The following ZNF121 variants were observed in gnomAD, a reference collection of about 807,000 sequenced individuals.
ZNF121 encodes zinc finger protein 121, also known as zinc finger protein 121 (clone ZHC32).
A neutral mutation model predicts 2.4 loss-of-function variants in ZNF121; 1 was observed. The ratio of observed to expected loss-of-function variants is 0.41; its 90% confidence interval spans 0.15 to 1.94. The LOEUF is 1.94. Ranked by LOEUF, ZNF121 falls within the 30% of genes most tolerant of loss-of-function variation. The pLI is 0.30. For missense variants in ZNF121, 369 were observed against 466.3 expected (o/e 0.79, Z 1.92); for synonymous variants, 173 against 158.6 (o/e 1.09, Z -0.68).
Position 9,563,166 on chromosome 19 carries a change from A to G in ZNF121, c.*2774T>C, listed in dbSNP as rs978160403. On this transcript the variant is annotated 3_prime_UTR_variant, in exon 4 of 4. Transcript: ENST00000320451. ...GGAAACTAAAAGTGCTACTCCAGTG[A>G]ACACACACATAATAAGAAAGGAAAA... 5.9e-5 allele frequency: 9 copies of G among 152,160 alleles called. No homozygotes were observed. Among genetic ancestry groups the G allele is most frequent in the African/African-American group, 1.9e-4 (8 of 41,438 alleles). 9.4% of individuals were successfully genotyped at this position (152,160 alleles called of 1,614,324 possible).
intron 1 of ZNF121, among the ~76,000 whole-genome samples, chr19:9,580,717 C>G (rs2074242944): frequency 6.6e-6 from 1 of 152,114 alleles, no homozygotes; most frequent in African/African-American, 2.4e-5. Flanking sequence ...TCCAGCAGAC[C>G]CAATGATACT....
At chr19:9,581,755 A>C (rs1015340131) in intron 1 of ZNF121, among the ~76,000 whole-genome samples, 7 of 152,222 alleles carry the variant, frequency 4.6e-5, no homozygotes, top group Non-Finnish European at 8.8e-5. Flanking sequence ...TAAACCCAAA[A>C]ACATCCAAGA....
chr19:9,578,292 G>T (rs1024377643), intron 1 of ZNF121, among the ~76,000 whole-genome samples: 3 of 152,108 alleles, frequency 2.0e-5, no homozygotes, highest in African/African-American at 7.2e-5. Flanking sequence ...TACTAGGGAG[G>T]CTGAGGCAGG....
Position 9,569,081 on chromosome 19 carries a change from TC to T in ZNF121, c.-159del, listed in dbSNP as rs2074155105. 6.5e-6 allele frequency: 1 copy of T among 153,098 alleles called. No individual in the cohort carries two copies. The highest frequency in any genetic ancestry group is 2.4e-5 in the African/African-American group (1 of 41,402). The allele number at this position is 153,098 out of a possible 1,614,324, so 9.5% of individuals were successfully genotyped here. ...AAGAGACAGACTGAGTTTGAATAGG[TC>T]CTGTACAGAGGGAAAGATACATCAA... On this transcript the variant is annotated splice_region_variant and 5_prime_UTR_variant, in exon 2 of 4. Transcript: ENST00000320451.
rs762093953 is a variant in ZNF121 at position 9,562,161 on chromosome 19, A to AC, written c.*3778_*3779insG. On this transcript the variant is annotated 3_prime_UTR_variant, in exon 4 of 4. Transcript: ENST00000320451. The stretch of plus-strand genomic sequence containing the variant: ...ATTATACTTACTGTGGTGCTGTGTG[A>AC]TTTTTTTTTTTTTTTTTTTTTGAGA... The AC allele has an allele frequency of 1.9e-5, 2 of 108,078 alleles. No homozygotes were observed. Among genetic ancestry groups the AC allele is most frequent in the Admixed American group, 2.2e-4 (2 of 9,258 alleles). The allele number at this position is 108,078 out of a possible 1,614,324, so 6.7% of individuals were successfully genotyped here.
chr19:9,577,195 G>A (rs1375779972), intron 1 of ZNF121, among the ~76,000 whole-genome samples: 2 of 152,174 alleles, frequency 1.3e-5, no homozygotes, highest in Non-Finnish European at 2.9e-5. Flanking sequence ...CGTAATTCCA[G>A]CACTTTGGGA....
At chr19:9,580,153 G>A (rs891966151) in intron 1 of ZNF121, among the ~76,000 whole-genome samples, 2 of 151,964 alleles carry the variant, frequency 1.3e-5, no homozygotes, top group African/African-American at 2.4e-5. Flanking sequence ...TTAGCCGGGC[G>A]TGTTGGCGGG....
At chr19:9,573,287 T>C (rs1164302507) in intron 1 of ZNF121, among the ~76,000 whole-genome samples, 1 of 152,008 alleles carries the variant, frequency 6.6e-6, no homozygotes, top group Non-Finnish European at 1.5e-5. Flanking sequence ...GAAGAGCAAC[T>C]CAGAAATGTA....
At chr19:9,568,325 T>C (rs2074149000) in intron 2 of ZNF121, 150 bp from the exon 3 acceptor site, 1 of 414,678 alleles carries the variant, frequency 2.4e-6, no homozygotes, top group Admixed American at 3.7e-5. Context: ...AGTTTATCCA[T>C]GACGAACATT....
In ZNF121 at chr19:9,566,861, T is replaced by C; in HGVS notation, c.252A>G (p.Gly84=). 6.2e-7 allele frequency: 1 copy of C among 1,614,220 alleles called. No homozygotes were observed. The highest frequency in any genetic ancestry group is 8.5e-7 in the Non-Finnish European group (1 of 1,180,040). ...PPNVHQRTWI[G]DKSFEYSDCE... ...AGTCACTGTATTCAAAGGATTTGTC[T>C]CCTATCCACGTTCTCTGGTGAACAT... Residue 84 remains glycine, a synonymous_variant, in exon 4 of 4, where the codon GGA becomes GGG. Coordinates refer to ENST00000320451, the MANE Select transcript of ZNF121 (RefSeq NM_001008727.5).
rs1198893851 is a variant in ZNF121, at chr19:9,564,421, C to T, written c.*1519G>A. On this transcript the variant is annotated 3_prime_UTR_variant, in exon 4 of 4. Transcript: ENST00000320451. The stretch of plus-strand genomic sequence containing the variant: ...TTAAAAAAATAAAAACCAACATTAA[C>T]CAGAGTTTGGAAGAAGTTGATTCCA... 6.6e-6 allele frequency: 1 copy of T among 152,058 alleles called. No individual in the cohort carries two copies. The highest frequency in any genetic ancestry group is 1.5e-5 in the Non-Finnish European group (1 of 68,020). 9.4% of individuals were successfully genotyped at this position (152,058 alleles called of 1,614,324 possible).
intron 1 of ZNF121, among the ~76,000 whole-genome samples, chr19:9,570,179 C>A (rs1348436509): frequency 6.6e-6 from 1 of 152,060 alleles, no homozygotes; most frequent in Non-Finnish European, 1.5e-5. Flanking sequence ...GCACTCCAGG[C>A]TGGGCAACAG....
Position 9,566,555 on chromosome 19 carries a change from G to C in ZNF121, c.558C>G (p.His186Gln). The change falls in exon 4 of 4, where the codon CAC becomes CAG. Residue 186 changes from histidine (H) to glutamine (Q), a missense_variant. This residue lies in a region of ZNF121 where 68 missense variants were observed against 105.5 expected (regional missense o/e 0.64). Transcript: ENST00000320451. ...TATGAATTCTTACATGTTCAACTAG[G>C]TGTGAAGAAACAGTGAAGCATTTCC... ...ECGKCFTVSS[H>Q]LVEHVRIHTG... 6.2e-7 allele frequency: 1 copy of C among 1,614,098 alleles called. No individual in the cohort carries two copies.
intron 1 of ZNF121, among the ~76,000 whole-genome samples, chr19:9,574,366 G>A (rs2074195816): frequency 6.6e-6 from 1 of 151,922 alleles, no homozygotes; most frequent in Admixed American, 6.6e-5. Flanking sequence ...GTGTTAGTCA[G>A]GATGGTCTCA....
intron 1 of ZNF121, among the ~76,000 whole-genome samples, chr19:9,573,903 G>A (rs756496814): frequency 7.9e-5 from 12 of 151,922 alleles, no homozygotes; most frequent in African/African-American, 2.2e-4. Flanking sequence ...CTGGAGTACC[G>A]TGGCACAATC....
intron 3 of ZNF121, chr19:9,567,680 GT>G: frequency 2.9e-6 from 1 of 347,750 alleles, no homozygotes; most frequent in Non-Finnish European, 5.9e-6. Flanking sequence ...GCCTGAGCTT[GT>G]TTTCCTGCAA....
At position 9,566,566 on chromosome 19, in the gene ZNF121, C is replaced by T. The variant is rs769974600; in HGVS notation, c.547G>A (p.Val183Ile). ...ACATGTTCAACTAGGTGTGAAGAAACAGTGAAGCATTTCCCACATTCCTTA... is the reference window on the plus strand; with the variant it reads ...ACATGTTCAACTAGGTGTGAAGAAATAGTGAAGCATTTCCCACATTCCTTA... ...ECKECGKCFT[V>I]SSHLVEHVRI... is the part of the protein sequence containing the mutation. The change falls in exon 4 of 4, where the codon GTT (valine) becomes ATT (isoleucine). Residue 183 changes from valine to isoleucine, a missense_variant. Val to Ile is a conservative substitution (Grantham distance 29). Coordinates refer to ENST00000320451, the MANE Select transcript of ZNF121 (RefSeq NM_001008727.5). 1.2e-6 allele frequency: 2 copies of T among 1,614,140 alleles called. No individual in the cohort carries two copies. Among genetic ancestry groups the T allele is most frequent in the South Asian group, 2.2e-5 (2 of 91,068 alleles).
intron 2 of ZNF121, 22 bp from the exon 3 acceptor site, chr19:9,568,197 G>GA (rs1000672639): frequency 2.6e-3 from 3,203 of 1,214,536 alleles, no homozygotes; most frequent in South Asian, 3.2e-3. Flanking sequence ...CAGAAAAAAA[G>GA]AAAAAAAAAT....
At chr19:9,579,731 C>T (rs1159881611) in intron 1 of ZNF121, among the ~76,000 whole-genome samples, 2 of 152,202 alleles carry the variant, frequency 1.3e-5, no homozygotes, top group Non-Finnish European at 2.9e-5. Context: ...AACTAGTGTT[C>T]AATAGATCAG....
Sources: allele counts gnomAD v4.1 joint callset (sites outside exome capture counted in the v4.1 genomes callset), GRCh38; gene constraint gnomAD v4.1.1; regional missense constraint gnomAD v4.1.1; transcripts MANE v1.5; gene names NCBI Gene and HGNC (gene_info 2026-07-23, HGNC 2026-07-21).